SEMA6B: variants seen among roughly 807,000 people sequenced by gnomAD.
The protein encoded by SEMA6B is semaphorin-6B.
Under a neutral mutation model 78.6 loss-of-function variants are expected in SEMA6B, and 47 were observed. That is an observed-to-expected ratio of 0.60 (90% CI 0.47 to 0.76). The LOEUF (loss-of-function observed/expected upper bound fraction) is 0.76. Among genes scored for constraint, SEMA6B ranks in the 30% least tolerant of loss-of-function variants. SEMA6B has a pLI of 0.00. For synonymous variants in SEMA6B, 632 were observed against 592.2 expected, an observed-to-expected ratio of 1.07 and a Z score of -0.98; for missense variants, 1,213 against 1,269.9, an observed-to-expected ratio of 0.96 and a Z score of 0.68.
In SEMA6B at chr19:4,543,935, C is replaced by A; in HGVS notation, c.2333G>T (p.Arg778Leu). Reference protein sequence around the residue: ...PTPDGRLYAARPGRASHGDFP... With the variant: ...PTPDGRLYAALPGRASHGDFP... ...GTCGCCGTGGGAGGCGCGGCCGGGCCGGGCAGCATAGAGGCGGCCGTCGGG... is the reference window on the plus strand; with the variant it reads ...GTCGCCGTGGGAGGCGCGGCCGGGCAGGGCAGCATAGAGGCGGCCGTCGGG... The change falls in exon 17 of 17, where the codon CGG becomes CTG. Residue 778 changes from arginine to leucine, a missense_variant. Physicochemically the swap from Arg to Leu is moderately radical, Grantham distance 102. Transcript: ENST00000586582. 2 of 1,200,872 alleles carry A rather than the reference C, an allele frequency of 1.7e-6. No individual in the cohort carries two copies. The highest frequency in any genetic ancestry group is 4.1e-5 in the South Asian group (1 of 24,100). The allele number at this position is 1,200,872 out of a possible 1,614,324, so 74.4% of individuals were successfully genotyped here.
Position 4,552,101 on chromosome 19 carries a change from G to A in SEMA6B, c.989+321C>T, listed in dbSNP as rs1204276958. ...AAGCCTCAGGACCTTTGCACATGCT[G>A]TTTCTCCAACTTTGAACACCCTTCC... is the stretch of plus-strand genomic sequence containing the variant. On this transcript the variant is annotated intron_variant, in intron 10 of 16. Coordinates refer to ENST00000586582, the MANE Select transcript of SEMA6B (RefSeq NM_032108.4). This position sits in a 1 kb window ranked among gnomAD's most constrained non-coding sequence, Gnocchi z 7.4. Among the ~76,000 whole-genome samples, 4 of 152,132 alleles carry A rather than the reference G, an allele frequency of 2.6e-5. No individual in the cohort carries two copies. Among genetic ancestry groups the A allele is most frequent in the African/African-American group, 9.7e-5 (4 of 41,422 alleles).
At position 4,544,579 on chromosome 19, in the gene SEMA6B, G is replaced by C; in HGVS notation, c.1739-50C>G. ...AGTGGGGCCGGCGGGGTGGCCCTGGGCATCCCTCCTACCTCCTCGGGGCCC... is the reference window on the plus strand; with the variant it reads ...AGTGGGGCCGGCGGGGTGGCCCTGGCCATCCCTCCTACCTCCTCGGGGCCC... On this transcript the variant is annotated intron_variant, in intron 16 of 16. Coordinates refer to ENST00000586582, the MANE Select transcript of SEMA6B (RefSeq NM_032108.4). This position sits in a 1 kb window ranked among gnomAD's most constrained non-coding sequence, Gnocchi z 5.1. The C allele has an allele frequency of 8.1e-7, 1 of 1,238,400 alleles. No homozygotes were observed. The highest frequency in any genetic ancestry group is 1.1e-6 in the Non-Finnish European group (1 of 936,404). 76.7% of individuals were successfully genotyped at this position (1,238,400 alleles called of 1,614,324 possible).
intron 16 of SEMA6B, among the ~76,000 whole-genome samples, chr19:4,545,618 G>A (rs1977143803): frequency 6.6e-6 from 1 of 152,292 alleles, no homozygotes; most frequent in South Asian, 2.1e-4. Flanking sequence ...GGGATTATAG[G>A]CAGGAGCTGC....
chr19:4,558,501 G>C lies in SEMA6B; in HGVS notation c.-32-12C>G, dbSNP rs886154570. ...GGAGGAGGTGACGCCTGCGGGCAAG[G>C]GGCGGCGAGGTGAGCGGCCTGCAGT... On this transcript the variant is annotated splice_polypyrimidine_tract_variant and intron_variant, in intron 1 of 16. Transcript: ENST00000586582. The surrounding 1 kb of genome is among the most constrained non-coding windows in gnomAD (Gnocchi z 5.1). The C allele has an allele frequency of 8.1e-7, 1 of 1,234,984 alleles. No individual in the cohort carries two copies. The highest frequency in any genetic ancestry group is 1.0e-6 in the Non-Finnish European group (1 of 987,882). 76.5% of individuals were successfully genotyped at this position (1,234,984 alleles called of 1,614,324 possible). A position where few individuals can be genotyped will look rare whatever the true frequency, so the allele number is the denominator to read the frequency against.
intron 14 of SEMA6B, 37 bp from the exon 15 acceptor site, chr19:4,546,506 A>C (rs541684914): frequency 1.4e-6 from 2 of 1,479,510 alleles, no homozygotes; most frequent in South Asian, 2.6e-5. Flanking sequence ...ACAAGTGTCC[A>C]AGTCACTTAC....
In SEMA6B at chr19:4,544,555, G is replaced by A. The variant is rs1599772488; in HGVS notation, c.1739-26C>T. ...CTGGCCGGGGAGCACAGGGGGGTTA[G>A]TGGGGCCGGCGGGGTGGCCCTGGGC... On this transcript the variant is annotated intron_variant, in intron 16 of 16. Transcript: ENST00000586582. The surrounding 1 kb of genome is among the most constrained non-coding windows in gnomAD (Gnocchi z 5.1). 1 of 1,439,466 alleles carries A rather than the reference G, an allele frequency of 6.9e-7. No individual in the cohort carries two copies. Among genetic ancestry groups the A allele is most frequent in the Non-Finnish European group, 9.2e-7 (1 of 1,087,120 alleles). The allele number at this position is 1,439,466 out of a possible 1,614,324, so 89.2% of individuals were successfully genotyped here.
chr19:4,542,801 C>T lies in SEMA6B; in HGVS notation c.*800G>A, dbSNP rs1195467938. The T allele has an allele frequency of 2.9e-6, 2 of 701,258 alleles. No homozygotes were observed. The highest frequency in any genetic ancestry group is 3.5e-5 in the African/African-American group (2 of 57,188). 43.4% of individuals were successfully genotyped at this position (701,258 alleles called of 1,614,324 possible). On this transcript the variant is annotated 3_prime_UTR_variant, in exon 17 of 17. Coordinates refer to ENST00000586582, the MANE Select transcript of SEMA6B (RefSeq NM_032108.4). ...CACCCACCTTCGCCGCCCCCCAGGC[C>T]CCCAAGCCCTTTAGACAGCTGCTGC...
Position 4,550,825 on chromosome 19 carries a change from C to T in SEMA6B, c.1095G>A (p.Val365=). 1 of 1,613,510 alleles carries T rather than the reference C, an allele frequency of 6.2e-7. No individual in the cohort carries two copies. The highest frequency in any genetic ancestry group is 8.5e-7 in the Non-Finnish European group (1 of 1,180,020). ...GGGGTCGAGGCACCTGATCCTCCGG[C>T]ACCGGCGTCCAGATGGACTCGGGGG... ...QKSPESIWTP[V]PEDQVPRPRP... The change falls in exon 11 of 17, where the codon GTG becomes GTA. Residue 365 remains valine (V), a synonymous_variant. Coordinates refer to ENST00000586582, the MANE Select transcript of SEMA6B (RefSeq NM_032108.4). This position sits in a 1 kb window ranked among gnomAD's most constrained non-coding sequence, Gnocchi z 6.6.
In SEMA6B at chr19:4,542,981, C is replaced by T. The variant is rs983460534; in HGVS notation, c.*620G>A. On this transcript the variant is annotated 3_prime_UTR_variant, in exon 17 of 17. Coordinates refer to ENST00000586582, the MANE Select transcript of SEMA6B (RefSeq NM_032108.4). ...GAAGCCCCAGCGTCGGCTCAGCCAA[C>T]GCCCAGGCCGCTGGGGCCACCACGA... 6.4e-5 allele frequency: 45 copies of T among 698,742 alleles called. No homozygotes were observed. The highest frequency in any genetic ancestry group is 9.9e-5 in the Non-Finnish European group (38 of 383,424). The allele number at this position is 698,742 out of a possible 1,614,324, so 43.3% of individuals were successfully genotyped here.
At position 4,543,250 on chromosome 19, in the gene SEMA6B, C is replaced by T. The variant is rs183745746; in HGVS notation, c.*351G>A. The stretch of plus-strand genomic sequence containing the variant: ...TTCCCCACCGGCGTCCAAGCCTCCC[C>T]TGCCTGCCGCCACCCCGAGAACGGA... On this transcript the variant is annotated 3_prime_UTR_variant, in exon 17 of 17. Coordinates refer to ENST00000586582, the MANE Select transcript of SEMA6B (RefSeq NM_032108.4). 6 of 532,010 alleles carry T rather than the reference C, an allele frequency of 1.1e-5. No individual in the cohort carries two copies. The highest frequency in any genetic ancestry group is 9.6e-5 in the African/African-American group (5 of 52,308). 33.0% of individuals were successfully genotyped at this position (532,010 alleles called of 1,614,324 possible).
Position 4,552,455 on chromosome 19 carries a change from A to G in SEMA6B, c.956T>C (p.Val319Ala). 1 of 1,602,404 alleles carries G rather than the reference A, an allele frequency of 6.2e-7. No homozygotes were observed. Among genetic ancestry groups the G allele is most frequent in the African/African-American group, 1.3e-5 (1 of 74,832 alleles). ...TGVVSLGGRP[V>A]VLAVFSTPSN... The stretch of plus-strand genomic sequence containing the variant: ...GGGCGTGGAAAAAACGGCCAGGACC[A>G]CGGGCCGGCCCCCGAGGCTGACCAC... The change falls in exon 10 of 17, where the codon GTG becomes GCG. Residue 319 changes from valine (V) to alanine (A), a missense_variant. By Grantham distance (64) the Val-to-Ala change is moderately conservative. Transcript: ENST00000586582. This position sits in a 1 kb window ranked among gnomAD's most constrained non-coding sequence, Gnocchi z 7.4.
At position 4,544,089 on chromosome 19, in the gene SEMA6B, G is replaced by A. The variant is rs996683102; in HGVS notation, c.2179C>T (p.Pro727Ser). The A allele has an allele frequency of 8.0e-7, 1 of 1,256,704 alleles. No homozygotes were observed. Among genetic ancestry groups the A allele is most frequent in the Non-Finnish European group, 1.0e-6 (1 of 1,001,592 alleles). The allele number at this position is 1,256,704 out of a possible 1,614,324, so 77.8% of individuals were successfully genotyped here. A position where few individuals can be genotyped will look rare whatever the true frequency, so the allele number is the denominator to read the frequency against. Residue 727 changes from proline to serine, a missense_variant, in exon 17 of 17, where the codon CCC becomes TCC. Pro to Ser is a moderately conservative substitution (Grantham distance 74). Transcript: ENST00000586582. The surrounding 1 kb of genome is among the most constrained non-coding windows in gnomAD (Gnocchi z 5.1). ...QKRLPTPHPH[P>S]HALGPRAWDH... Reference sequence around the variant, plus strand: ...CAGGCGCGGGGGCCCAGGGCGTGGGGGTGCGGGTGCGGAGTGGGCAGGCGC... The same window carrying A: ...CAGGCGCGGGGGCCCAGGGCGTGGGAGTGCGGGTGCGGAGTGGGCAGGCGC...
chr19:4,554,737 T>C (rs1478319940), intron 8 of SEMA6B, among the ~76,000 whole-genome samples: 1 of 152,234 alleles, frequency 6.6e-6, no homozygotes, highest in Non-Finnish European at 1.5e-5. Flanking sequence ...TCCTGCTATA[T>C]CTTTTCTGTG....
In SEMA6B at chr19:4,552,399, T is replaced by C; in HGVS notation, c.989+23A>G. On this transcript the variant is annotated intron_variant, in intron 10 of 16. Coordinates refer to ENST00000586582, the MANE Select transcript of SEMA6B (RefSeq NM_032108.4). The surrounding 1 kb of genome is among the most constrained non-coding windows in gnomAD (Gnocchi z 7.4). ...CCATGCCCACCAAATGCTCCCAGTT[T>C]GCTCCCATTGGTGGGCGCTGACCTG... is the stretch of plus-strand genomic sequence containing the variant. The C allele has an allele frequency of 6.4e-7, 1 of 1,553,612 alleles. No individual in the cohort carries two copies. The highest frequency in any genetic ancestry group is 8.7e-7 in the Non-Finnish European group (1 of 1,148,124).
Position 4,552,548 on chromosome 19 carries a change from G to A in SEMA6B, c.863C>T (p.Ala288Val), listed in dbSNP as rs758370327. 2.5e-6 allele frequency: 4 copies of A among 1,612,934 alleles called. No individual in the cohort carries two copies. Among genetic ancestry groups the A allele is most frequent in the South Asian group, 1.1e-5 (1 of 91,082 alleles). The change falls in exon 10 of 17, where the codon GCG becomes GTG. Residue 288 changes from alanine (A) to valine (V), a missense_variant. Coordinates refer to ENST00000586582, the MANE Select transcript of SEMA6B (RefSeq NM_032108.4). The surrounding 1 kb of genome is among the most constrained non-coding windows in gnomAD (Gnocchi z 7.4). ...TCCGGGTACAGAGCAGTTGAGCCGC[G>A]CCTTCAGGAAGGACGTCCACTGCTT... Reference protein sequence around the residue: ...LEKQWTSFLKARLNCSVPGDS... With the variant: ...LEKQWTSFLKVRLNCSVPGDS...
Position 4,544,547 on chromosome 19 carries a change from G to A in SEMA6B, c.1739-18C>T, listed in dbSNP as rs757537761. On this transcript the variant is annotated intron_variant, in intron 16 of 16. Transcript: ENST00000586582. The surrounding 1 kb of genome is among the most constrained non-coding windows in gnomAD (Gnocchi z 5.1). The stretch of plus-strand genomic sequence containing the variant: ...CAGGAGTCCTGGCCGGGGAGCACAG[G>A]GGGGTTAGTGGGGCCGGCGGGGTGG... The A allele has an allele frequency of 3.3e-5, 48 of 1,453,168 alleles. No homozygotes were observed. In the African/African-American group the frequency reaches 4.7e-4, roughly 14 times the overall value. 90.0% of individuals were successfully genotyped at this position (1,453,168 alleles called of 1,614,324 possible).
chr19:4,544,518 C>A lies in SEMA6B; in HGVS notation c.1750G>T (p.Ala584Ser). The A allele has an allele frequency of 1.3e-6, 2 of 1,536,218 alleles. No individual in the cohort carries two copies. Among genetic ancestry groups the A allele is most frequent in the African/African-American group, 1.4e-5 (1 of 70,398 alleles). ...GLGDCTGLLR[A>S]SLSEDRAGLV... The stretch of plus-strand genomic sequence containing the variant: ...CCCGCGCGGTCCTCGGAGAGGCTGG[C>A]CCGCAGGAGTCCTGGCCGGGGAGCA... Residue 584 changes from alanine to serine, a missense_variant, in exon 17 of 17, where the codon GCC (alanine) becomes TCC (serine). Ala to Ser is a moderately conservative substitution (Grantham distance 99). Coordinates refer to ENST00000586582, the MANE Select transcript of SEMA6B (RefSeq NM_032108.4). The surrounding 1 kb of genome is among the most constrained non-coding windows in gnomAD (Gnocchi z 5.1).
In SEMA6B at chr19:4,558,024, A is replaced by G; in HGVS notation, c.245+2T>C. ...AGGCCTCCTTGCTGTCCCCAGCAATACCTGTCCCCAATGAACAGCGTCCTG... is the reference window on the plus strand; with the variant it reads ...AGGCCTCCTTGCTGTCCCCAGCAATGCCTGTCCCCAATGAACAGCGTCCTG... On this transcript the variant is annotated splice_donor_variant, in intron 3 of 16. Transcript: ENST00000586582. LOFTEE classifies it high-confidence loss of function. This position sits in a 1 kb window ranked among gnomAD's most constrained non-coding sequence, Gnocchi z 5.1. 1.4e-6 allele frequency: 2 copies of G among 1,436,342 alleles called. No individual in the cohort carries two copies. Among genetic ancestry groups the G allele is most frequent in the South Asian group, 1.5e-5 (1 of 67,478 alleles). 89.0% of individuals were successfully genotyped at this position (1,436,342 alleles called of 1,614,324 possible). A position where few individuals can be genotyped will look rare whatever the true frequency, so the allele number is the denominator to read the frequency against.
rs747839135 is a variant in SEMA6B, at chr19:4,555,543, C to T, written c.493G>A (p.Gly165Arg). 9 of 1,613,446 alleles carry T rather than the reference C, an allele frequency of 5.6e-6. No individual in the cohort carries two copies. The highest frequency in any genetic ancestry group is 2.2e-5 in the South Asian group (2 of 91,032). Residue 165 changes from glycine to arginine, a missense_variant, in exon 7 of 17, where the codon GGA becomes AGA. Physicochemically the swap from Gly to Arg is moderately radical, Grantham distance 125. Transcript: ENST00000586582. The surrounding 1 kb of genome is among the most constrained non-coding windows in gnomAD (Gnocchi z 6.1). The part of the protein sequence containing the change: ...NYSIDTLQPV[G>R]DNISGMARCP... Reference sequence around the variant, plus strand: ...CGGGCCATACCGCTGATGTTGTCTCCGACGGGCTGCAGGGTGTCTATCTGC... The same window carrying T: ...CGGGCCATACCGCTGATGTTGTCTCTGACGGGCTGCAGGGTGTCTATCTGC...
Sources: allele counts gnomAD v4.1 joint callset (sites outside exome capture counted in the v4.1 genomes callset), GRCh38; gene constraint gnomAD v4.1.1; non-coding constraint Gnocchi (gnomAD v3.1); transcripts MANE v1.5; gene names NCBI Gene and HGNC (gene_info 2026-07-23, HGNC 2026-07-21).